The following RBM6 variants were observed in gnomAD, a reference collection of about 807,000 sequenced individuals.
The protein encoded by RBM6 is RNA-binding protein 6.
A neutral mutation model predicts 140.4 loss-of-function variants in RBM6; 23 were observed. The observed-to-expected ratio is 0.16, with a 90% CI of 0.12 to 0.23. The LOEUF (loss-of-function observed/expected upper bound fraction) is 0.23, where lower values mean the gene tolerates loss of function less well. RBM6 is among the 10% of genes least tolerant of loss of function. The pLI, the probability that RBM6 is intolerant of heterozygous loss-of-function variation, is 1.00. For missense variants in RBM6, 1,139 were observed against 1,386.7 expected (o/e 0.82, Z 2.84); for synonymous variants, 439 against 475.6 (o/e 0.92, Z 1.00).
intron 8 of RBM6, among the ~76,000 whole-genome samples, chr3:50,054,674 CG>C (rs747376413): frequency 1.3e-5 from 2 of 151,782 alleles, no homozygotes; most frequent in Non-Finnish European, 2.9e-5. Context: ...CCCTGTAGCC[CG>C]GCTAATTTTT....
chr3:49,966,229 A>G (rs1250635198), intron 2 of RBM6, among the ~76,000 whole-genome samples: 1 of 152,272 alleles, frequency 6.6e-6, no homozygotes, highest in Admixed American at 6.5e-5. Context: ...ATAGTAGCAT[A>G]GTCTGAGCTC....
intron 18 of RBM6, among the ~76,000 whole-genome samples, chr3:50,070,096 C>T (rs1026079695): frequency 1.6e-4 from 24 of 152,152 alleles, no homozygotes; most frequent in African/African-American, 5.3e-4. Context: ...GTGGCTCACA[C>T]CTGTAATCCC....
At chr3:49,971,632 G>C (rs887185608) in intron 3 of RBM6, among the ~76,000 whole-genome samples, 1 of 151,934 alleles carries the variant, frequency 6.6e-6, no homozygotes, top group Non-Finnish European at 1.5e-5. Flanking sequence ...CTGCCTCCCA[G>C]GTTCAAGTGA....
chr3:49,991,284 A>G (rs2085809445), intron 5 of RBM6, among the ~76,000 whole-genome samples: 1 of 152,148 alleles, frequency 6.6e-6, no homozygotes, highest in Non-Finnish European at 1.5e-5. Flanking sequence ...GTATTCACCA[A>G]TCAGGAAGCT....
At chr3:49,959,575 T>G (rs1039238403) in intron 1 of RBM6, among the ~76,000 whole-genome samples, 4 of 147,862 alleles carry the variant, frequency 2.7e-5, no homozygotes, top group Non-Finnish European at 4.5e-5. Context: ...TTTAGGGTTT[T>G]TTTTTTTTTT....
chr3:50,010,231 A>C (rs2086778129), intron 6 of RBM6, among the ~76,000 whole-genome samples: 1 of 152,172 alleles, frequency 6.6e-6, no homozygotes, highest in African/African-American at 2.4e-5. Context: ...TGTGAGGTTA[A>C]TTTTGTATAT....
chr3:49,970,202 A>G (rs1488646930), intron 3 of RBM6, among the ~76,000 whole-genome samples: 1 of 152,064 alleles, frequency 6.6e-6, no homozygotes, highest in African/African-American at 2.4e-5. Flanking sequence ...CAGCTTCCCA[A>G]AGAGCTGGGA....
At chr3:50,020,771 T>A (rs1280440197) in intron 6 of RBM6, among the ~76,000 whole-genome samples, 1 of 152,196 alleles carries the variant, frequency 6.6e-6, no homozygotes, top group Non-Finnish European at 1.5e-5. Context: ...CTTGTTACCA[T>A]ATTGTATATG....
chr3:49,967,217 C>G lies in RBM6; in HGVS notation c.45-253C>G. 8.0e-7 allele frequency: 1 copy of G among 1,246,136 alleles called. No homozygotes were observed. Among genetic ancestry groups the G allele is most frequent in the Non-Finnish European group, 1.0e-6 (1 of 993,030 alleles). 77.2% of individuals were successfully genotyped at this position (1,246,136 alleles called of 1,614,324 possible). A position where few individuals can be genotyped will look rare whatever the true frequency, so the allele number is the denominator to read the frequency against. On this transcript the variant is annotated intron_variant, in intron 2 of 20. Transcript: ENST00000266022. The surrounding 1 kb of genome is among the most constrained non-coding windows in gnomAD (Gnocchi z 4.0). Reference sequence around the variant, plus strand: ...TTGCAGGACTGGGTGAAAGCTTTTTCTGCAGCAGTCATGTTGAAAACCTTG... The same window carrying G: ...TTGCAGGACTGGGTGAAAGCTTTTTGTGCAGCAGTCATGTTGAAAACCTTG...
At chr3:50,016,096 G>A (rs763205525) in intron 6 of RBM6, among the ~76,000 whole-genome samples, 5 of 152,036 alleles carry the variant, frequency 3.3e-5, no homozygotes, top group Admixed American at 6.6e-5. Flanking sequence ...TCCTCCACCC[G>A]CCTTCTCCAC....
chr3:50,019,694 G>A (rs567158200), intron 6 of RBM6, among the ~76,000 whole-genome samples: 38 of 152,174 alleles, frequency 2.5e-4, no homozygotes, highest in African/African-American at 6.7e-4. Context: ...TCTTGTTCCT[G>A]ATGTTAGTGG....
chr3:49,976,375 A>G (rs2085063910), intron 5 of RBM6, among the ~76,000 whole-genome samples: 1 of 152,240 alleles, frequency 6.6e-6, no homozygotes, highest in South Asian at 2.1e-4. Context: ...AAGTTCAGAA[A>G]TAATTTGTTC....
intron 18 of RBM6, among the ~76,000 whole-genome samples, chr3:50,070,150 TTCGAGACTAGCCTGAC>T (rs1188440761): frequency 6.6e-6 from 1 of 151,710 alleles, no homozygotes; most frequent in Non-Finnish European, 1.5e-5. Context: ...AGGTCAGGAG[TTCGAGACTAGCCTGAC>T]TAACATAGTG....
chr3:49,945,170 C>T lies in RBM6; in HGVS notation c.-67+4945C>T, dbSNP rs568712826. Among the ~76,000 whole-genome samples the T allele has an allele frequency of 2.0e-3, 289 of 145,176 alleles. 3 individuals carry two copies. Among genetic ancestry groups the T allele is most frequent in the African/African-American group, 6.3e-3 (247 of 39,434 alleles). ...GATTACAGGCGTGAGCCACCGCGCCCGGCCAATTTTTTTTTTTTTTTTTTT... is the reference window on the plus strand; with the variant it reads ...GATTACAGGCGTGAGCCACCGCGCCTGGCCAATTTTTTTTTTTTTTTTTTT... On this transcript the variant is annotated intron_variant, in intron 1 of 20. Transcript: ENST00000266022.
intron 6 of RBM6, among the ~76,000 whole-genome samples, chr3:50,034,908 C>G (rs1427071449): frequency 6.6e-6 from 1 of 152,038 alleles, no homozygotes; most frequent in Non-Finnish European, 1.5e-5. Context: ...CTTCTTTGTC[C>G]CTTTCACTAA....
Position 50,076,993 on chromosome 3 carries a change from G to C in RBM6, c.3247-15G>C, listed in dbSNP as rs1321160439. ...ATCTATAGGGCCCACTTCATAGTTTGTCTTTGTTTTACAGGCTGAAGGCCG... is the reference window on the plus strand; with the variant it reads ...ATCTATAGGGCCCACTTCATAGTTTCTCTTTGTTTTACAGGCTGAAGGCCG... On this transcript the variant is annotated splice_polypyrimidine_tract_variant and intron_variant, in intron 20 of 20. Transcript: ENST00000266022. 1.2e-6 allele frequency: 2 copies of C among 1,601,222 alleles called. No individual in the cohort carries two copies. The highest frequency in any genetic ancestry group is 2.2e-5 in the South Asian group (2 of 89,208).
intron 1 of RBM6, among the ~76,000 whole-genome samples, chr3:49,951,452 T>A (rs2083725421): frequency 6.6e-6 from 1 of 151,934 alleles, no homozygotes; most frequent in Non-Finnish European, 1.5e-5. Flanking sequence ...GGTCTCGAAC[T>A]CCTGAGCTCA....
chr3:50,036,186 C>G (rs1428822988), intron 6 of RBM6, among the ~76,000 whole-genome samples: 2 of 152,224 alleles, frequency 1.3e-5, no homozygotes, highest in Non-Finnish European at 2.9e-5. Flanking sequence ...TGAGCCACTG[C>G]GCCCAGCAGG....
intron 2 of RBM6, among the ~76,000 whole-genome samples, chr3:49,966,922 T>C (rs902864176): frequency 1.3e-5 from 2 of 152,192 alleles, no homozygotes; most frequent in African/African-American, 4.8e-5. Context: ...TTACAACCAG[T>C]GTTTCTTCTT....
Sources: gnomAD v4.1 joint callset for allele counts (sites outside exome capture counted in the v4.1 genomes callset) on GRCh38, gnomAD v4.1.1 for gene constraint, Gnocchi (gnomAD v3.1) non-coding constraint, MANE v1.5 for transcripts, NCBI Gene and HGNC (gene_info 2026-07-23, HGNC 2026-07-21) for gene names.